The following RBM6 variants were observed in gnomAD, a reference collection of about 807,000 sequenced individuals.
The protein encoded by RBM6 is RNA-binding protein 6.
Under a neutral mutation model 140.4 loss-of-function variants are expected in RBM6, and 23 were observed. That is an observed-to-expected ratio of 0.16 (90% CI 0.12 to 0.23). RBM6 has a LOEUF of 0.23. RBM6 is among the 10% of genes least tolerant of loss of function. The probability of loss-of-function intolerance (pLI) is 1.00; values close to 1 mark genes in which losing one functional copy is unlikely to be tolerated. For synonymous variants in RBM6, 439 were observed against 475.6 expected (o/e 0.92, Z 1.00); for missense variants, 1,139 against 1,386.7 (o/e 0.82, Z 2.84).
chr3:49,996,695 T>C lies in RBM6; in HGVS notation c.1484-2745T>C, dbSNP rs1433976998. On this transcript the variant is annotated intron_variant, in intron 5 of 20. Coordinates refer to ENST00000266022, the MANE Select transcript of RBM6 (RefSeq NM_005777.3). ...ATATTTAAAATAGAAGCAACTGTTA[T>C]GCTGCTAAATTGAATATTTCTTAAC... 2.6e-5 allele frequency among the ~76,000 whole-genome samples: 4 copies of C among 152,348 alleles called. No homozygotes were observed. In the South Asian group the frequency reaches 6.2e-4, roughly 24 times the overall value.
Position 49,968,515 on chromosome 3 carries a change from G to C in RBM6, c.1090G>C (p.Val364Leu), listed in dbSNP as rs374241916. 3 of 1,614,102 alleles carry C rather than the reference G, an allele frequency of 1.9e-6. No homozygotes were observed. The highest frequency in any genetic ancestry group is 3.3e-5 in the Admixed American group (2 of 59,990). The change falls in exon 3 of 21, where the codon GTT (valine) becomes CTT (leucine). Residue 364 changes from valine (V) to leucine (L), a missense_variant. By Grantham distance (32) the Val-to-Leu change is conservative (BLOSUM62 1). Around this residue, in one of 9 missense-constraint regions of RBM6, gnomAD observed 566 missense variants for 612.7 expected, o/e 0.92. Coordinates refer to ENST00000266022, the MANE Select transcript of RBM6 (RefSeq NM_005777.3). ...AGACTTTCAGAACAGCCAAAGTCCA[G>C]TTCAAGACCAAGATAAGTCACAGCT... ...PADFQNSQSPVQDQDKSQLSG... is the reference protein window; with the variant it reads ...PADFQNSQSPLQDQDKSQLSG...
rs10663019 is a variant in RBM6, at chr3:50,061,560, C to CTTTTTT, written c.2439+32_2439+37dup. 162 of 1,270,236 alleles carry CTTTTTT rather than the reference C, an allele frequency of 1.3e-4. 2 individuals are homozygous for CTTTTTT. The African/African-American group carries it at 1.6e-3, about 13-fold the overall frequency. 78.7% of individuals were successfully genotyped at this position (1,270,236 alleles called of 1,614,324 possible). A position where few individuals can be genotyped will look rare whatever the true frequency, so the allele number is the denominator to read the frequency against. On this transcript the variant is annotated intron_variant, in intron 14 of 20. Transcript: ENST00000266022. ...CCCCAATACCCAGGTGAGTTTGGGG[C>CTTTTTT]TTTTTTTTTTTTTTTTTTTTTTTTA...
intron 1 of RBM6, among the ~76,000 whole-genome samples, chr3:49,943,534 C>G: frequency 6.6e-6 from 1 of 152,114 alleles, no homozygotes; most frequent in East Asian, 1.9e-4. Context: ...GTCTCGAACT[C>G]CTGAGTTCAA....
intron 6 of RBM6, among the ~76,000 whole-genome samples, chr3:50,036,094 C>T (rs2088521455): frequency 6.6e-6 from 1 of 151,860 alleles, no homozygotes; most frequent in Non-Finnish European, 1.5e-5. Flanking sequence ...CCAGGTTTCA[C>T]TATATTGGCC....
At chr3:50,036,775 T>A (rs2088559905) in intron 6 of RBM6, among the ~76,000 whole-genome samples, 1 of 152,164 alleles carries the variant, frequency 6.6e-6, no homozygotes, top group Non-Finnish European at 1.5e-5. Context: ...CTTTTCTGAC[T>A]TAAAGCTTCC....
chr3:50,056,822 A>G (rs576147108), intron 8 of RBM6, among the ~76,000 whole-genome samples: 7 of 152,356 alleles, frequency 4.6e-5, no homozygotes, highest in African/African-American at 1.7e-4. Flanking sequence ...GTAGTAGGAC[A>G]TTTGAAATAA....
intron 16 of RBM6, chr3:50,065,562 T>G: frequency 4.4e-6 from 2 of 457,642 alleles, no homozygotes; most frequent in South Asian, 3.1e-5. Flanking sequence ...ATGCTAATAT[T>G]GGTGCCCATT....
Position 49,967,568 on chromosome 3 carries a change from C to G in RBM6, c.143C>G (p.Pro48Arg). 2 of 1,614,158 alleles carry G rather than the reference C, an allele frequency of 1.2e-6. No individual in the cohort carries two copies. The highest frequency in any genetic ancestry group is 1.7e-6 in the Non-Finnish European group (2 of 1,180,026). ...CAAGAGAGACACTCTGGCAACTTTC[C>G]TGGCAGAGATTCACTTCCCTTTGAT... ...HAQERHSGNF[P>R]GRDSLPFDFQ... Residue 48 changes from proline (P) to arginine (R), a missense_variant, in exon 3 of 21, where the codon CCT becomes CGT. Pro to Arg is a moderately radical substitution (Grantham distance 103, BLOSUM62 -2). Around this residue, in one of 9 missense-constraint regions of RBM6, gnomAD observed 566 missense variants for 612.7 expected, o/e 0.92. Transcript: ENST00000266022. This position sits in a 1 kb window ranked among gnomAD's most constrained non-coding sequence, Gnocchi z 4.0.
chr3:49,975,477 C>A, intron 5 of RBM6, 85 bp downstream of exon 5: 1 of 1,148,104 alleles, frequency 8.7e-7, no homozygotes, highest in Non-Finnish European at 1.3e-6. Context: ...AAATTTGTTT[C>A]AAGAAACCAC....
At chr3:50,067,406 A>G (rs1479933727) in intron 17 of RBM6, among the ~76,000 whole-genome samples, 2 of 152,128 alleles carry the variant, frequency 1.3e-5, no homozygotes, top group Non-Finnish European at 2.9e-5. Context: ...AGGAAGAGAA[A>G]GGGTTGTGGA....
intron 4 of RBM6, among the ~76,000 whole-genome samples, chr3:49,974,957 G>A (rs1027537877): frequency 1.3e-5 from 2 of 151,780 alleles, no homozygotes; most frequent in Non-Finnish European, 2.9e-5. Flanking sequence ...AAAGTGCTGG[G>A]ATTACATGTG....
In RBM6 at chr3:50,054,358, C is replaced by T. The variant is rs781120513; in HGVS notation, c.1656C>T (p.His552=). 6.2e-7 allele frequency: 1 copy of T among 1,613,234 alleles called. No individual in the cohort carries two copies. Among genetic ancestry groups the T allele is most frequent in the Non-Finnish European group, 8.5e-7 (1 of 1,179,210 alleles). Residue 552 remains histidine (H), a synonymous_variant, in exon 8 of 21, where the codon CAC becomes CAT. Transcript: ENST00000266022. ...AGTGTAAGGCAAACATTGGTGGGCACCGATCTTCCTGTTCATTCTGCAAGA... is the reference window on the plus strand; with the variant it reads ...AGTGTAAGGCAAACATTGGTGGGCATCGATCTTCCTGTTCATTCTGCAAGA... ...CKRCKANIGG[H]RSSCSFCKNP...
At chr3:50,072,100 A>AG (rs1426142467) in intron 19 of RBM6, among the ~76,000 whole-genome samples, 1 of 145,316 alleles carries the variant, frequency 6.9e-6, no homozygotes, top group African/African-American at 2.5e-5. Flanking sequence ...AAAAAAAAAA[A>AG]AAAAAGAAAA....
At chr3:49,964,466 G>A (rs2084418558) in intron 2 of RBM6, among the ~76,000 whole-genome samples, 1 of 152,152 alleles carries the variant, frequency 6.6e-6, no homozygotes, top group Admixed American at 6.5e-5. Context: ...AACTACAGCT[G>A]ATAGCCTGTT....
At chr3:49,961,522 C>T (rs1178935146) in intron 1 of RBM6, among the ~76,000 whole-genome samples, 2 of 146,932 alleles carry the variant, frequency 1.4e-5, no homozygotes, top group South Asian at 2.5e-4. Context: ...TTTTTCTGGC[C>T]GGGCACGGTG....
rs756373498 is a variant in RBM6 at position 49,975,402 on chromosome 3, T to C, written c.1483+10T>C. 2 of 1,601,966 alleles carry C rather than the reference T, an allele frequency of 1.2e-6. No individual in the cohort carries two copies. The highest frequency in any genetic ancestry group is 2.2e-5 in the East Asian group (1 of 44,816). Reference sequence around the variant, plus strand: ...AAGGAGTATAACACAGGTGAGTTTCTTGACTTGCATATGGCCTTGGGTTAG... The same window carrying C: ...AAGGAGTATAACACAGGTGAGTTTCCTGACTTGCATATGGCCTTGGGTTAG... On this transcript the variant is annotated intron_variant, in intron 5 of 20. Transcript: ENST00000266022.
chr3:50,071,804 G>A (rs2090306181), intron 19 of RBM6, among the ~76,000 whole-genome samples: 1 of 152,168 alleles, frequency 6.6e-6, no homozygotes, highest in South Asian at 2.1e-4. Context: ...GAAAAATGGG[G>A]GCCAGGCGTG....
intron 1 of RBM6, among the ~76,000 whole-genome samples, 158 bp from the exon 2 acceptor site, chr3:49,962,418 C>T (rs889843706): frequency 2.7e-5 from 4 of 149,832 alleles, no homozygotes; most frequent in African/African-American, 4.9e-5. Flanking sequence ...GGCGACAGAG[C>T]GAGACTCCAT....
intron 11 of RBM6, among the ~76,000 whole-genome samples, chr3:50,060,028 G>A (rs1450055783): frequency 1.3e-5 from 2 of 152,118 alleles, no homozygotes; most frequent in African/African-American, 4.8e-5. Context: ...TCTATTCCAA[G>A]CTACTAAAGA....
Sources: gnomAD v4.1 joint callset for allele counts (sites outside exome capture counted in the v4.1 genomes callset) on GRCh38, gnomAD v4.1.1 for gene constraint, gnomAD v4.1.1 regional missense constraint, Gnocchi (gnomAD v3.1) non-coding constraint, MANE v1.5 for transcripts, NCBI Gene and HGNC (gene_info 2026-07-23, HGNC 2026-07-21) for gene names.